The following RARG variants were observed in gnomAD, a reference collection of about 807,000 sequenced individuals.
RARG encodes the protein retinoic acid receptor gamma.
A neutral mutation model predicts 43.7 loss-of-function variants in RARG; 17 were observed. The observed-to-expected ratio is 0.39, with a 90% CI of 0.27 to 0.58. The LOEUF (loss-of-function observed/expected upper bound fraction) is 0.58. RARG is among the 20% of genes least tolerant of loss of function. The probability of loss-of-function intolerance (pLI) is 0.57; values close to 1 mark genes in which losing one functional copy is unlikely to be tolerated. For missense variants in RARG, 346 were observed against 598.7 expected, an observed-to-expected ratio of 0.58 and a Z score of 4.40; for synonymous variants, 238 against 236.4, an observed-to-expected ratio of 1.01 and a Z score of -0.06.
rs563398633 is a variant in RARG, at chr12:53,231,360, C to T, written c.-209-125G>A. 2.0e-5 allele frequency: 3 copies of T among 152,304 alleles called. No homozygotes were observed. In the East Asian group the frequency reaches 5.8e-4, roughly 29 times the overall value. The allele number at this position is 152,304 out of a possible 1,614,324, so 9.4% of individuals were successfully genotyped here. On this transcript the variant is annotated intron_variant, in intron 1 of 9. Transcript: ENST00000425354. ...TCAAGAATACTCCAGAGGTGCCCCC[C>T]ACCTTGGCTGGAGGGAGCCAAGGCT...
At chr12:53,219,160 CCA>C (rs1263547785) in intron 3 of RARG, among the ~76,000 whole-genome samples, 1 of 152,182 alleles carries the variant, frequency 6.6e-6, no homozygotes, top group Non-Finnish European at 1.5e-5. Flanking sequence ...CCACCCCCCA[CCA>C]CACACACAGA....
rs376720398 is a variant in RARG, at chr12:53,215,256, C to G, written c.475+37G>C. 8.7e-6 allele frequency: 14 copies of G among 1,607,344 alleles called. No individual in the cohort carries two copies. In the African/African-American group the frequency reaches 1.7e-4, roughly 20 times the overall value. On this transcript the variant is annotated intron_variant, in intron 5 of 9. Coordinates refer to ENST00000425354, the MANE Select transcript of RARG (RefSeq NM_000966.6). The surrounding 1 kb of genome is among the most constrained non-coding windows in gnomAD (Gnocchi z 6.4). ...GAGGGCCACAGCCATAGGGTAGGAC[C>G]GAAGTGCTCCTGCCCAAGCCAAGGA... is the stretch of plus-strand genomic sequence containing the variant.
At chr12:53,228,754 A>G (rs1484562869) in intron 2 of RARG, among the ~76,000 whole-genome samples, 1 of 151,848 alleles carries the variant, frequency 6.6e-6, no homozygotes, top group East Asian at 1.9e-4. Flanking sequence ...TTATATTTTT[A>G]GTAGAGATGG....
At position 53,227,672 on chromosome 12, in the gene RARG, TG is replaced by T; in HGVS notation, c.-128del. 7.6e-7 allele frequency: 1 copy of T among 1,320,182 alleles called. No homozygotes were observed. Among genetic ancestry groups the T allele is most frequent in the Non-Finnish European group, 9.7e-7 (1 of 1,031,586 alleles). The allele number at this position is 1,320,182 out of a possible 1,614,324, so 81.8% of individuals were successfully genotyped here. A position where few individuals can be genotyped will look rare whatever the true frequency, so the allele number is the denominator to read the frequency against. On this transcript the variant is annotated 5_prime_UTR_variant, in exon 3 of 10. Coordinates refer to ENST00000425354, the MANE Select transcript of RARG (RefSeq NM_000966.6). The surrounding 1 kb of genome is among the most constrained non-coding windows in gnomAD (Gnocchi z 4.3). Reference sequence around the variant, plus strand: ...TACCCGCCCTGCCTGGCCTGCCCACTGGGCCTCCAAAAGTCCTAGGGAGAAA... The same window carrying T: ...TACCCGCCCTGCCTGGCCTGCCCACTGGCCTCCAAAAGTCCTAGGGAGAAA...
chr12:53,212,971 T>A, intron 9 of RARG, 114 bp downstream of exon 9: 1 of 1,274,976 alleles, frequency 7.8e-7, no homozygotes, highest in Non-Finnish European at 1.1e-6. Flanking sequence ...AGGATTCCAG[T>A]GTAGATTGCC....
chr12:53,224,998 C>G (rs191264765), intron 3 of RARG, among the ~76,000 whole-genome samples: 3 of 152,294 alleles, frequency 2.0e-5, no homozygotes, highest in African/African-American at 7.2e-5. Flanking sequence ...ACCATTCTCT[C>G]TCCTCTCCCT....
At chr12:53,217,207 A>C (rs1942799392) in intron 3 of RARG, among the ~76,000 whole-genome samples, 1 of 152,112 alleles carries the variant, frequency 6.6e-6, no homozygotes, top group African/African-American at 2.4e-5. Context: ...CCAAAGAAAA[A>C]GGAGAGAGGA....
intron 5 of RARG, chr12:53,214,872 GGGA>G: frequency 2.2e-6 from 1 of 457,092 alleles, no homozygotes; most frequent in African/African-American, 1.9e-5. Flanking sequence ...CAGGAGCTGG[GGGA>G]GGGGGGGCAG....
rs965635958 is a variant in RARG, at chr12:53,232,116, G to T, written c.-352C>A. The T allele has an allele frequency of 2.5e-6, 1 of 398,664 alleles. No individual in the cohort carries two copies. The highest frequency in any genetic ancestry group is 4.4e-6 in the Non-Finnish European group (1 of 226,088). 24.7% of individuals were successfully genotyped at this position (398,664 alleles called of 1,614,324 possible). A position where few individuals can be genotyped will look rare whatever the true frequency, so the allele number is the denominator to read the frequency against. ...ACGGCTCTAGGCTGGGACTGTCCCG[G>T]GGCCTCTCGGAGCCCGCCCGCCCAC... is the stretch of plus-strand genomic sequence containing the variant. On this transcript the variant is annotated 5_prime_UTR_variant, in exon 1 of 10. Transcript: ENST00000425354.
chr12:53,215,632 C>T lies in RARG; in HGVS notation c.333+14G>A. The T allele has an allele frequency of 6.2e-7, 1 of 1,608,138 alleles. No individual in the cohort carries two copies. On this transcript the variant is annotated intron_variant, in intron 4 of 9. Transcript: ENST00000425354. This position sits in a 1 kb window ranked among gnomAD's most constrained non-coding sequence, Gnocchi z 6.4. ...ACTGGATCCCCCGTCTGCCCACTCC[C>T]ACCACGTACACACCTTGCAGCCTTC... is the stretch of plus-strand genomic sequence containing the variant.
chr12:53,230,417 GC>G (rs916478150), intron 2 of RARG, among the ~76,000 whole-genome samples: 74 of 151,990 alleles, frequency 4.9e-4, no homozygotes, highest in African/African-American at 1.7e-3. Context: ...TCCACCCGCT[GC>G]CCCCCTCCCC....
At chr12:53,220,015 G>T in intron 3 of RARG, 1 of 1,531,012 alleles carries the variant, frequency 6.5e-7, no homozygotes, top group Non-Finnish European at 8.8e-7. Flanking sequence ...GCCGCCGGTG[G>T]CTCTGCGCAG....
At chr12:53,222,249 AG>A (rs1372926815) in intron 3 of RARG, among the ~76,000 whole-genome samples, 141 of 149,320 alleles carry the variant, frequency 9.4e-4, no homozygotes, top group Middle Eastern at 6.8e-3. Context: ...GAAAAGAAAG[AG>A]AAAGAAAGAA....
At chr12:53,220,873 C>G (rs1056450240) in intron 3 of RARG, among the ~76,000 whole-genome samples, 1 of 152,184 alleles carries the variant, frequency 6.6e-6, no homozygotes, top group African/African-American at 2.4e-5. Flanking sequence ...AGCTGCTCTC[C>G]TGAGGCTCGG....
At position 53,227,535 on chromosome 12, in the gene RARG, T is replaced by C. The variant is rs1943137524; in HGVS notation, c.11A>G (p.Asn4Ser). Residue 4 changes from asparagine to serine, a missense_variant, in exon 3 of 10, where the codon AAT becomes AGT. By Grantham distance (46) the Asn-to-Ser change is conservative. This residue lies in a region of RARG where 90 missense variants were observed against 93.2 expected (regional missense o/e 0.97). Transcript: ENST00000425354. This position sits in a 1 kb window ranked among gnomAD's most constrained non-coding sequence, Gnocchi z 4.3. MAT[N>S]KERLFAAGAL... ...ACCAGCCGCAAAGAGTCGCTCCTTA[T>C]TGGTGGCCATGGCAGCTGCGGTGTG... The C allele has an allele frequency of 6.3e-7, 1 of 1,581,286 alleles. No individual in the cohort carries two copies. The highest frequency in any genetic ancestry group is 8.6e-7 in the Non-Finnish European group (1 of 1,164,138).
At chr12:53,230,782 C>G (rs1225095196) in intron 2 of RARG, among the ~76,000 whole-genome samples, 1 of 139,928 alleles carries the variant, frequency 7.1e-6, no homozygotes, top group South Asian at 2.5e-4. Flanking sequence ...TGGGGGTGTG[C>G]CGGGGTGTGG....
At position 53,211,473 on chromosome 12, in the gene RARG, C is replaced by T. The variant is rs1942585236; in HGVS notation, c.*203G>A. The T allele has an allele frequency of 2.2e-6, 1 of 465,002 alleles. No individual in the cohort carries two copies. Among genetic ancestry groups the T allele is most frequent in the Non-Finnish European group, 3.7e-6 (1 of 271,924 alleles). 28.8% of individuals were successfully genotyped at this position (465,002 alleles called of 1,614,324 possible). Reference sequence around the variant, plus strand: ...CTCCTGGTGGGAGCAGGGCAGGCCCCCGGGACTGGCGAGGGAGCCGGTTAG... The same window carrying T: ...CTCCTGGTGGGAGCAGGGCAGGCCCTCGGGACTGGCGAGGGAGCCGGTTAG... On this transcript the variant is annotated 3_prime_UTR_variant, in exon 10 of 10. Coordinates refer to ENST00000425354, the MANE Select transcript of RARG (RefSeq NM_000966.6). The surrounding 1 kb of genome is among the most constrained non-coding windows in gnomAD (Gnocchi z 4.6).
In RARG at chr12:53,214,445, C is replaced by T; in HGVS notation, c.636+1G>A. On this transcript the variant is annotated splice_donor_variant, in intron 6 of 9. Coordinates refer to ENST00000425354, the MANE Select transcript of RARG (RefSeq NM_000966.6). LOFTEE classifies it high-confidence loss of function. ...CTCACTGGGCTCTGCCCATTCCTCA[C>T]CGTGGTATACTTGCCCAGCTGGCAG... 1 of 1,610,900 alleles carries T rather than the reference C, an allele frequency of 6.2e-7. No homozygotes were observed. Among genetic ancestry groups the T allele is most frequent in the Non-Finnish European group, 8.5e-7 (1 of 1,177,364 alleles).
At chr12:53,220,264 G>A (rs771097417) in intron 3 of RARG, 3 of 951,856 alleles carry the variant, frequency 3.2e-6, no homozygotes, top group Middle Eastern at 4.2e-4. Flanking sequence ...GAAGAGGGGG[G>A]ATCCCCAGCA....
Sources: gnomAD v4.1 joint callset for allele counts (sites outside exome capture counted in the v4.1 genomes callset) on GRCh38, gnomAD v4.1.1 for gene constraint, gnomAD v4.1.1 regional missense constraint, Gnocchi (gnomAD v3.1) non-coding constraint, MANE v1.5 for transcripts, NCBI Gene and HGNC (gene_info 2026-07-23, HGNC 2026-07-21) for gene names.